Variants in GRM7 observed in about 807,000 individuals in gnomAD.
The protein encoded by GRM7 is glutamate metabotropic receptor 7, also known as metabotropic glutamate receptor 7.
In GRM7, 35 loss-of-function variants were observed where a neutral mutation model predicts 84.5. The observed-to-expected ratio is 0.41, with a 90% confidence interval of 0.32 to 0.55. The LOEUF is 0.55. Among genes scored for constraint, GRM7 ranks in the 20% least tolerant of loss-of-function variants. The probability of loss-of-function intolerance (pLI) is 0.19; values close to 1 mark genes in which losing one functional copy is unlikely to be tolerated. For missense variants in GRM7, 1,003 were observed against 1,194.6 expected (o/e 0.84, Z 2.36); for synonymous variants, 487 against 455.1 (o/e 1.07, Z -0.89).
intron 1 of GRM7, among the ~76,000 whole-genome samples, chr3:7,042,121 T>C (rs1459513442): frequency 6.6e-6 from 1 of 152,144 alleles, no homozygotes; most frequent in African/African-American, 2.4e-5. Context: ...AACTAGCAAA[T>C]GAACCCGTTT....
intron 1 of GRM7, among the ~76,000 whole-genome samples, chr3:6,900,145 G>A (rs1411882594): frequency 1.3e-5 from 2 of 152,134 alleles, no homozygotes; most frequent in Non-Finnish European, 2.9e-5. Context: ...GGCAATTTGG[G>A]AACAATGTGT....
chr3:7,140,507 C>A (rs771248923), intron 1 of GRM7, among the ~76,000 whole-genome samples: 2 of 151,896 alleles, frequency 1.3e-5, no homozygotes, highest in Admixed American at 6.6e-5. Context: ...TTATACGTAA[C>A]CTTCAAAGTG....
intron 1 of GRM7, among the ~76,000 whole-genome samples, chr3:7,066,557 C>A (rs995831010): frequency 2.0e-5 from 3 of 151,802 alleles, no homozygotes; most frequent in African/African-American, 7.3e-5. Flanking sequence ...CAAAAAAAGT[C>A]CAGGACCAGA....
At chr3:7,056,985 A>G (rs1374908250) in intron 1 of GRM7, among the ~76,000 whole-genome samples, 1 of 151,960 alleles carries the variant, frequency 6.6e-6, no homozygotes, top group Non-Finnish European at 1.5e-5. Flanking sequence ...ATCATTCTGC[A>G]GTACAACTAA....
intron 7 of GRM7, among the ~76,000 whole-genome samples, chr3:7,546,092 T>TA (rs1559393555): frequency 6.6e-6 from 1 of 152,190 alleles, no homozygotes; most frequent in South Asian, 2.1e-4. Context: ...AAAACCATAC[T>TA]AAAAGTGTCC....
chr3:7,588,702 G>A lies in GRM7; in HGVS notation c.2451+9345G>A, dbSNP rs539892117. Reference sequence around the variant, plus strand: ...ACACTAGCACTTCCTTGAAGCTCTCGATGTCTCTATATACCTGAAGGAGGA... The same window carrying A: ...ACACTAGCACTTCCTTGAAGCTCTCAATGTCTCTATATACCTGAAGGAGGA... On this transcript the variant is annotated intron_variant, in intron 8 of 9. Coordinates refer to ENST00000357716, the MANE Select transcript of GRM7 (RefSeq NM_000844.4). Among the ~76,000 whole-genome samples, 24 of 152,292 alleles carry A rather than the reference G, an allele frequency of 1.6e-4. No homozygotes were observed. The South Asian group carries it at 3.5e-3, about 22-fold the overall frequency.
chr3:7,370,509 T>TCCACAGCCATG, intron 4 of GRM7, among the ~76,000 whole-genome samples: 1 of 152,248 alleles, frequency 6.6e-6, no homozygotes, highest in African/African-American at 2.4e-5. Context: ...TTGTGAGTCC[T>TCCACAGCCATG]CCACAGCCAT....
intron 1 of GRM7, among the ~76,000 whole-genome samples, chr3:6,991,344 T>C (rs1275103842): frequency 6.6e-6 from 1 of 152,220 alleles, no homozygotes; most frequent in East Asian, 1.9e-4. Context: ...CCGGACTGAT[T>C]GCTTTCAGCA....
intron 9 of GRM7, among the ~76,000 whole-genome samples, chr3:7,707,195 G>T (rs761884686): frequency 1.6e-4 from 25 of 152,060 alleles, no homozygotes; most frequent in Non-Finnish European, 3.1e-4. Flanking sequence ...TTCCTCCCTT[G>T]CTAGCTTCAA....
At chr3:7,570,932 G>T (rs1694622089) in intron 7 of GRM7, among the ~76,000 whole-genome samples, 1 of 152,220 alleles carries the variant, frequency 6.6e-6, no homozygotes, top group Admixed American at 6.5e-5. Flanking sequence ...TGCATGCACA[G>T]GCTCAATACT....
chr3:7,186,307 A>C (rs925122580), intron 2 of GRM7, among the ~76,000 whole-genome samples: 1 of 152,234 alleles, frequency 6.6e-6, no homozygotes, highest in East Asian at 1.9e-4. Flanking sequence ...ACATGGGCAT[A>C]GTTCTTCTTT....
chr3:7,070,596 A>G (rs994492607), intron 1 of GRM7, among the ~76,000 whole-genome samples: 1 of 151,884 alleles, frequency 6.6e-6, no homozygotes, highest in African/African-American at 2.4e-5. Flanking sequence ...CCGGATGACA[A>G]TTTTTTTTAA....
chr3:7,103,449 GA>G (rs1348781922), intron 1 of GRM7, among the ~76,000 whole-genome samples: 2 of 151,748 alleles, frequency 1.3e-5, no homozygotes, highest in Non-Finnish European at 2.9e-5. Flanking sequence ...GGAATCACTG[GA>G]GTTCCCCCCA....
At chr3:7,331,599 T>G (rs1024077254) in intron 4 of GRM7, among the ~76,000 whole-genome samples, 6 of 152,162 alleles carry the variant, frequency 3.9e-5, no homozygotes, top group Non-Finnish European at 7.4e-5. Context: ...CAAAAGCACC[T>G]GAAACCCTGA....
At chr3:7,133,100 T>G (rs528557341) in intron 1 of GRM7, among the ~76,000 whole-genome samples, 1 of 152,222 alleles carries the variant, frequency 6.6e-6, no homozygotes, top group South Asian at 2.1e-4. Context: ...ACTGCAGCTG[T>G]GTTGTCATTG....
At chr3:7,698,195 G>A (rs1288627266) in intron 9 of GRM7, among the ~76,000 whole-genome samples, 1 of 152,136 alleles carries the variant, frequency 6.6e-6, no homozygotes, top group African/African-American at 2.4e-5. Flanking sequence ...CAAGGGGAAA[G>A]TCTGACTATG....
chr3:7,589,907 G>C (rs1027072389), intron 8 of GRM7, among the ~76,000 whole-genome samples: 9 of 151,910 alleles, frequency 5.9e-5, no homozygotes, highest in African/African-American at 2.2e-4. Context: ...TTGATTCCTT[G>C]ACTTATAACC....
intron 2 of GRM7, among the ~76,000 whole-genome samples, chr3:7,279,896 A>G (rs1173269202): frequency 1.3e-5 from 2 of 152,242 alleles, no homozygotes; most frequent in South Asian, 2.1e-4. Flanking sequence ...TTTTTCTGCT[A>G]TGGTCATATT....
intron 4 of GRM7, among the ~76,000 whole-genome samples, chr3:7,381,807 T>G (rs9863764): frequency 0.19 from 29,637 of 152,092 alleles, 3,959 homozygotes; most frequent in African/African-American, 0.37. Flanking sequence ...CCTATCAATG[T>G]GATCTTAAAG....
Sources: gnomAD v4.1 joint callset for allele counts (sites outside exome capture counted in the v4.1 genomes callset) on GRCh38, gnomAD v4.1.1 for gene constraint, MANE v1.5 for transcripts, NCBI Gene and HGNC (gene_info 2026-07-23, HGNC 2026-07-21) for gene names.